Variants in HAO2 observed in about 807,000 individuals in gnomAD.
HAO2 encodes 2-Hydroxyacid oxidase 2.
HAO2 carries 42 observed loss-of-function variants against 37.4 expected under a neutral mutation model. The observed-to-expected ratio is 1.12, with a 90% CI of 0.88 to 1.45. The LOEUF (loss-of-function observed/expected upper bound fraction) is 1.45, where lower values mean the gene tolerates loss of function less well. Among genes scored for constraint, HAO2 ranks in the 40% most tolerant of loss-of-function variants. The probability of loss-of-function intolerance (pLI) is 0.00; values close to 1 mark genes in which losing one functional copy is unlikely to be tolerated. For synonymous variants in HAO2, 180 were observed against 162.8 expected (o/e 1.11, Z -0.81); for missense variants, 476 against 430.2 (o/e 1.11, Z -0.94).
At position 119,393,810 on chromosome 1, in the gene HAO2, T is replaced by C; in HGVS notation, c.1026T>C (p.Asn342=). 1 of 1,613,240 alleles carries C rather than the reference T, an allele frequency of 6.2e-7. No individual in the cohort carries two copies. Among genetic ancestry groups the C allele is most frequent in the African/African-American group, 1.3e-5 (1 of 74,942 alleles). The part of the protein sequence containing the change: ...LTGCRSVAEI[N]RNLVQFSRL The stretch of plus-strand genomic sequence containing the variant: ...GCTGCCGGTCGGTCGCTGAGATCAA[T>C]CGAAACTTGGTCCAGTTTTCCAGGC... The change falls in exon 8 of 8, where the codon AAT becomes AAC. Residue 342 remains asparagine (N), a synonymous_variant. Transcript: ENST00000325945.
rs587733693 is a variant in HAO2, at chr1:119,393,223, T to C, written c.1000+536T>C. Among the ~76,000 whole-genome samples, 11 of 152,218 alleles carry C rather than the reference T, an allele frequency of 7.2e-5. No individual in the cohort carries two copies. The South Asian group carries it at 1.9e-3, about 26-fold the overall frequency. On this transcript the variant is annotated intron_variant, in intron 7 of 7. Transcript: ENST00000325945. ...TCAAGCCCACAACTCCCCAGCCCCA[T>C]AACATCATGCCAGCTTCTCTTTCTC...
chr1:119,380,546 T>G, intron 1 of HAO2: 1 of 628,230 alleles, frequency 1.6e-6, no homozygotes, highest in African/African-American at 1.9e-5. Flanking sequence ...AACTACCAGA[T>G]AGTAGCATCA....
chr1:119,369,297 A>G (rs1648768894), intron 1 of HAO2, among the ~76,000 whole-genome samples: 2 of 152,232 alleles, frequency 1.3e-5, no homozygotes, highest in African/African-American at 2.4e-5. Flanking sequence ...AAAAGAAAAC[A>G]GTGACATGGC....
intron 4 of HAO2, chr1:119,385,368 T>C (rs1011015662): frequency 1.0e-6 from 1 of 983,144 alleles, no homozygotes; most frequent in African/African-American, 1.8e-5. Context: ...AACTGGAGAG[T>C]AAACTAAAAA....
intron 7 of HAO2, among the ~76,000 whole-genome samples, chr1:119,393,424 C>T (rs75468483): frequency 0.056 from 8,552 of 152,218 alleles, 292 homozygotes; most frequent in South Asian, 0.11. Context: ...CTTTTGCTAT[C>T]TGTGTGTCAT....
chr1:119,384,727 G>T, intron 3 of HAO2, 49 bp from the exon 4 acceptor site: 1 of 1,569,080 alleles, frequency 6.4e-7, no homozygotes. Context: ...TTTCAGCCCA[G>T]TCCAGAGGCC....
intron 5 of HAO2, among the ~76,000 whole-genome samples, chr1:119,390,920 T>C (rs1650830827): frequency 6.6e-6 from 1 of 152,082 alleles, no homozygotes; most frequent in South Asian, 2.1e-4. Context: ...ACTCAGATAC[T>C]ATAGTTTGAA....
At chr1:119,380,625 G>C in intron 1 of HAO2, 1 of 1,115,994 alleles carries the variant, frequency 9.0e-7, no homozygotes, top group Non-Finnish European at 1.4e-6. Flanking sequence ...ATGCCATGAC[G>C]TGGGCACATT....
At chr1:119,379,120 G>A (rs140190049) in intron 1 of HAO2, among the ~76,000 whole-genome samples, 54 of 152,196 alleles carry the variant, frequency 3.5e-4, no homozygotes, top group African/African-American at 1.1e-3. Context: ...GGACTCATGC[G>A]GGATGCAGTT....
intron 3 of HAO2, 115 bp downstream of exon 3, chr1:119,383,181 C>T (rs1650099391): frequency 3.1e-6 from 2 of 651,672 alleles, no homozygotes; most frequent in East Asian, 2.7e-5. Flanking sequence ...CTGGTTAACA[C>T]TAAGGAAGGC....
At chr1:119,390,734 C>T (rs1301190920) in intron 5 of HAO2, among the ~76,000 whole-genome samples, 1 of 152,134 alleles carries the variant, frequency 6.6e-6, no homozygotes, top group Non-Finnish European at 1.5e-5. Context: ...CTTCTGGGGA[C>T]AACAGCTGAC....
chr1:119,382,720 G>T (rs1027270805), intron 2 of HAO2, among the ~76,000 whole-genome samples, 195 bp from the exon 3 acceptor site: 3 of 152,202 alleles, frequency 2.0e-5, no homozygotes, highest in Non-Finnish European at 2.9e-5. Flanking sequence ...GGTGTTGGAA[G>T]CGGCTTTCTG....
chr1:119,393,816 C>T lies in HAO2; in HGVS notation c.1032C>T (p.Asn344=), dbSNP rs1427860932. 6.2e-7 allele frequency: 1 copy of T among 1,613,306 alleles called. No homozygotes were observed. The highest frequency in any genetic ancestry group is 1.7e-5 in the Admixed American group (1 of 59,974). The part of the protein sequence containing the change: ...GCRSVAEINR[N]LVQFSRL ...GGTCGGTCGCTGAGATCAATCGAAA[C>T]TTGGTCCAGTTTTCCAGGCTGTAAG... The change falls in exon 8 of 8, where the codon AAC becomes AAT. Residue 344 remains asparagine, a synonymous_variant. Coordinates refer to ENST00000325945, the MANE Select transcript of HAO2 (RefSeq NM_016527.4).
chr1:119,379,003 G>C (rs1649702353), intron 1 of HAO2, among the ~76,000 whole-genome samples: 1 of 152,182 alleles, frequency 6.6e-6, no homozygotes, highest in South Asian at 2.1e-4. Context: ...TCGAGGCTAT[G>C]CTTTATTACT....
intron 3 of HAO2, among the ~76,000 whole-genome samples, chr1:119,383,662 CA>C (rs1650146692): frequency 6.6e-6 from 1 of 151,460 alleles, no homozygotes; most frequent in South Asian, 2.1e-4. Context: ...CCACCACCGC[CA>C]ATAATAATAA....
intron 1 of HAO2, among the ~76,000 whole-genome samples, chr1:119,369,840 G>A (rs1016427178): frequency 6.6e-5 from 10 of 151,978 alleles, no homozygotes; most frequent in African/African-American, 1.9e-4. Context: ...TGTCTTCTTC[G>A]ACTGTAAGCT....
At position 119,376,417 on chromosome 1, in the gene HAO2, G is replaced by C. The variant is rs1182428938; in HGVS notation, c.-8-4661G>C. On this transcript the variant is annotated intron_variant, in intron 1 of 7. Transcript: ENST00000325945. ...TCAGGGTACAGCCTCTCTTCTGGCT[G>C]CTTCCACAGGCTAATGTTGAGTGTC... 2.6e-5 allele frequency among the ~76,000 whole-genome samples: 4 copies of C among 152,320 alleles called. No homozygotes were observed. In the South Asian group the frequency reaches 8.3e-4, roughly 32 times the overall value.
At chr1:119,372,588 C>T (rs1400899530) in intron 1 of HAO2, among the ~76,000 whole-genome samples, 12 of 152,176 alleles carry the variant, frequency 7.9e-5, no homozygotes, top group Admixed American at 5.9e-4. Context: ...TGTAGTAAAA[C>T]GGATTTCAAT....
intron 1 of HAO2, among the ~76,000 whole-genome samples, chr1:119,374,106 T>A (rs1017941438): frequency 6.6e-6 from 1 of 152,204 alleles, no homozygotes; most frequent in African/African-American, 2.4e-5. Flanking sequence ...GTTCCCTTTT[T>A]ACTCTGAGGG....
Sources: gnomAD v4.1 joint callset for allele counts (sites outside exome capture counted in the v4.1 genomes callset) on GRCh38, gnomAD v4.1.1 for gene constraint, MANE v1.5 for transcripts, NCBI Gene and HGNC (gene_info 2026-07-23, HGNC 2026-07-21) for gene names.